Variants in RBKS observed in about 807,000 individuals in gnomAD.
RBKS encodes the protein ribokinase.
Under a neutral mutation model 33.9 loss-of-function variants are expected in RBKS, and 33 were observed. The ratio of observed to expected loss-of-function variants is 0.97; its 90% CI spans 0.74 to 1.30. The LOEUF (loss-of-function observed/expected upper bound fraction) is 1.30, where lower values mean the gene tolerates loss of function less well. Ranked by LOEUF, RBKS falls within the 50% of genes most tolerant of loss-of-function variation. RBKS has a pLI of 0.00. For missense variants in RBKS, 361 were observed against 392.6 expected, an observed-to-expected ratio of 0.92 and a Z score of 0.68; for synonymous variants, 125 against 143.0, an observed-to-expected ratio of 0.87 and a Z score of 0.90.
rs1396753017 is a variant in RBKS, at chr2:27,832,695, A to C, written c.597T>G (p.Asn199Lys). ...FYTLSDVFCC[N>K]ESEAEILTGL... ...AGCAATTCACCCTTACCTCACTTTC[A>C]TTGCAGCAGAACACATCTGAGAGGG... is the stretch of plus-strand genomic sequence containing the variant. The change falls in exon 6 of 8, where the codon AAT becomes AAG. Residue 199 changes from asparagine to lysine, a missense_variant. Transcript: ENST00000302188. The C allele has an allele frequency of 6.2e-7, 1 of 1,610,696 alleles. No individual in the cohort carries two copies. Among genetic ancestry groups the C allele is most frequent in the Non-Finnish European group, 8.5e-7 (1 of 1,177,246 alleles).
In RBKS at chr2:27,888,844, A is replaced by C. The variant is rs558182537; in HGVS notation, c.89+1413T>G. ...GCTTGCAAAGCCTAAAATATTTACT[A>C]TCTGGCCCTTTACAGAAAAGTTTAC... On this transcript the variant is annotated intron_variant, in intron 1 of 7. Coordinates refer to ENST00000302188, the MANE Select transcript of RBKS (RefSeq NM_022128.3). Among the ~76,000 whole-genome samples, 119 of 152,294 alleles carry C rather than the reference A, an allele frequency of 7.8e-4. 1 individual carries two copies. In the South Asian group the frequency reaches 0.024, roughly 30 times the overall value.
At chr2:27,832,941 C>T (rs567906328) in intron 5 of RBKS, among the ~76,000 whole-genome samples, 164 bp from the exon 6 acceptor site, 33 of 152,312 alleles carry the variant, frequency 2.2e-4, no homozygotes, top group African/African-American at 7.7e-4. Flanking sequence ...TCTCAATCTT[C>T]ACGACAGCTG....
intron 1 of RBKS, among the ~76,000 whole-genome samples, chr2:27,876,362 G>A (rs1156840770): frequency 1.3e-5 from 2 of 152,170 alleles, no homozygotes; most frequent in African/African-American, 4.8e-5. Context: ...ATTATGCTAA[G>A]TGAAGTAAGC....
intron 1 of RBKS, among the ~76,000 whole-genome samples, chr2:27,883,200 CTTTTT>C (rs906350551): frequency 7.1e-6 from 1 of 140,414 alleles, no homozygotes; most frequent in Non-Finnish European, 1.6e-5. Flanking sequence ...CTGCAGTATT[CTTTTT>C]TTTTTTTTTT....
Position 27,858,526 on chromosome 2 carries a change from AT to A in RBKS, c.134del (p.His45LeufsTer24). The A allele has an allele frequency of 6.2e-7, 1 of 1,614,070 alleles. No individual in the cohort carries two copies. Among genetic ancestry groups the A allele is most frequent in the South Asian group, 1.1e-5 (1 of 91,076 alleles). On this transcript the variant is annotated frameshift_variant, in exon 2 of 8. Transcript: ENST00000302188. LOFTEE classifies it high-confidence loss of function. Reference protein sequence around the residue: ...LPKTGETIHGHKFFIGFGGKG... With the variant: ...LPKTGETIHGXKFFIGFGGKG... ...TCCCTCCAAAGCCAATAAAAAACTT[AT>A]GTCCATGGATGGTTTCTCCAGTTTT... is the stretch of plus-strand genomic sequence containing the variant.
At chr2:27,841,251 A>AT (rs1663498528) in intron 5 of RBKS, among the ~76,000 whole-genome samples, 1 of 152,110 alleles carries the variant, frequency 6.6e-6, no homozygotes, top group Non-Finnish European at 1.5e-5. Flanking sequence ...TGGCTGCTGT[A>AT]TCTTTCTCTC....
chr2:27,842,667 T>G (rs1379433364), intron 5 of RBKS, among the ~76,000 whole-genome samples: 1 of 152,010 alleles, frequency 6.6e-6, no homozygotes, highest in Non-Finnish European at 1.5e-5. Flanking sequence ...TTCTTTTTTT[T>G]TTTTTTGAGA....
At chr2:27,889,788 C>G (rs78911608) in intron 1 of RBKS, among the ~76,000 whole-genome samples, 4,808 of 152,204 alleles carry the variant, frequency 0.032, 100 homozygotes, top group Non-Finnish European at 0.047. Flanking sequence ...TTATTTTATA[C>G]AATAAGCTCA....
chr2:27,829,370 T>G (rs1312347609), intron 6 of RBKS, among the ~76,000 whole-genome samples: 3 of 148,134 alleles, frequency 2.0e-5, no homozygotes, highest in African/African-American at 7.5e-5. Flanking sequence ...AGTGTTTTTT[T>G]TTTTTTTTTT....
chr2:27,821,040 CAAAAAA>C (rs59964452), intron 7 of RBKS, among the ~76,000 whole-genome samples: 2 of 68,440 alleles, frequency 2.9e-5, no homozygotes, highest in African/African-American at 4.9e-5. Flanking sequence ...AACTCCATCT[CAAAAAA>C]AAAAAAAAAA....
At chr2:27,822,253 A>G (rs185659724) in intron 7 of RBKS, among the ~76,000 whole-genome samples, 1 of 152,258 alleles carries the variant, frequency 6.6e-6, no homozygotes. Flanking sequence ...ACACCTCTTG[A>G]GATCACCTCA....
At chr2:27,802,372 T>C (rs1677812658) in intron 7 of RBKS, among the ~76,000 whole-genome samples, 1 of 152,046 alleles carries the variant, frequency 6.6e-6, no homozygotes, top group South Asian at 2.1e-4. Context: ...TAATTATATT[T>C]TCAGTTTACG....
intron 5 of RBKS, among the ~76,000 whole-genome samples, chr2:27,836,130 G>A (rs1005253171): frequency 1.3e-5 from 2 of 152,082 alleles, no homozygotes; most frequent in East Asian, 3.9e-4. Flanking sequence ...CAGGACAATC[G>A]CTTGAACCTG....
chr2:27,857,018 G>A (rs763730391), intron 2 of RBKS, among the ~76,000 whole-genome samples: 1 of 152,156 alleles, frequency 6.6e-6, no homozygotes, highest in African/African-American at 2.4e-5. Flanking sequence ...GATGCTTCAC[G>A]TGATGTTTTT....
At chr2:27,815,852 T>C (rs908387599) in intron 7 of RBKS, among the ~76,000 whole-genome samples, 2 of 152,222 alleles carry the variant, frequency 1.3e-5, no homozygotes, top group African/African-American at 4.8e-5. Context: ...ATTCTAAATC[T>C]AGATTTAGTT....
intron 7 of RBKS, among the ~76,000 whole-genome samples, chr2:27,796,940 C>A (rs993154070): frequency 6.6e-6 from 1 of 152,178 alleles, no homozygotes; most frequent in African/African-American, 2.4e-5. Context: ...CCCTTGCCTG[C>A]CTGGGCCCTT....
intron 7 of RBKS, among the ~76,000 whole-genome samples, chr2:27,823,600 C>T (rs67865391): frequency 0.062 from 9,386 of 152,210 alleles, 619 homozygotes; most frequent in African/African-American, 0.16. Context: ...ACGTGAATTA[C>T]CTTCTCTTTA....
chr2:27,879,972 C>A (rs1664387562), intron 1 of RBKS, among the ~76,000 whole-genome samples: 1 of 152,142 alleles, frequency 6.6e-6, no homozygotes, highest in African/African-American at 2.4e-5. Context: ...AGGAGGGACT[C>A]CTCCCTAACT....
At chr2:27,862,187 C>T (rs754596569) in intron 1 of RBKS, among the ~76,000 whole-genome samples, 1 of 151,608 alleles carries the variant, frequency 6.6e-6, no homozygotes, top group African/African-American at 2.4e-5. Context: ...TGGACTCAGG[C>T]GATCCTCCTG....
Sources: allele counts gnomAD v4.1 joint callset (sites outside exome capture counted in the v4.1 genomes callset), GRCh38; gene constraint gnomAD v4.1.1; transcripts MANE v1.5; gene names NCBI Gene and HGNC (gene_info 2026-07-23, HGNC 2026-07-21).